NSMCE1: variants seen among roughly 807,000 people sequenced by gnomAD.
The protein encoded by NSMCE1 is NSE1 component of SMC5/6 complex.
A neutral mutation model predicts 29.6 loss-of-function variants in NSMCE1; 18 were observed. The observed-to-expected ratio is 0.61, with a 90% CI of 0.42 to 0.90. The LOEUF is 0.90. Among genes scored for constraint, NSMCE1 ranks in the 40% least tolerant of loss-of-function variants. The pLI is 0.00. For synonymous variants in NSMCE1, 124 were observed against 133.4 expected (o/e 0.93, Z 0.49); for missense variants, 314 against 343.6 (o/e 0.91, Z 0.68).
At chr16:27,239,125 C>T (rs1055045095) in intron 2 of NSMCE1, among the ~76,000 whole-genome samples, 1 of 152,184 alleles carries the variant, frequency 6.6e-6, no homozygotes, top group African/African-American at 2.4e-5. Flanking sequence ...GCCCACCTGT[C>T]TCCCCAAGTT....
intron 2 of NSMCE1, among the ~76,000 whole-genome samples, chr16:27,248,814 G>A (rs1475528278): frequency 2.0e-5 from 3 of 151,992 alleles, no homozygotes; most frequent in African/African-American, 7.3e-5. Context: ...TTCTTACTGG[G>A]TTGTATGTTT....
chr16:27,257,951 C>G (rs568040593), intron 1 of NSMCE1: 1 of 159,866 alleles, frequency 6.3e-6, no homozygotes, highest in Non-Finnish European at 1.4e-5. Context: ...ATGTAATAGC[C>G]TGGTAACACA....
chr16:27,228,400 G>T (rs1170220494), intron 5 of NSMCE1, among the ~76,000 whole-genome samples: 1 of 151,998 alleles, frequency 6.6e-6, no homozygotes, highest in Non-Finnish European at 1.5e-5. Flanking sequence ...CAGCCCCCAG[G>T]CTGTCCTCGG....
chr16:27,229,632 A>G (rs1251249627), intron 5 of NSMCE1, among the ~76,000 whole-genome samples: 2 of 152,184 alleles, frequency 1.3e-5, no homozygotes, highest in Non-Finnish European at 2.9e-5. Flanking sequence ...TAGATCATGC[A>G]ATGGCACGAT....
At position 27,257,479 on chromosome 16, in the gene NSMCE1, C is replaced by A; in HGVS notation, c.92G>T (p.Trp31Leu). The A allele has an allele frequency of 6.2e-7, 1 of 1,614,048 alleles. No individual in the cohort carries two copies. The highest frequency in any genetic ancestry group is 2.2e-5 in the East Asian group (1 of 44,872). ...GTGCGTCTGCAAGCGCTTCACGTCC[C>A]ATTCCTCTAGCACGCCATGGGTCAT... ...LLMTHGVLEE[W>L]DVKRLQTHCY... The change falls in exon 2 of 8, where the codon TGG (tryptophan) becomes TTG (leucine). Residue 31 changes from tryptophan to leucine, a missense_variant. Physicochemically the swap from Trp to Leu is moderately conservative, Grantham distance 61. Transcript: ENST00000361439.
In NSMCE1 at chr16:27,234,249, GTTGTAGCAAGATTCACC is replaced by G. The variant is rs778172233; in HGVS notation, c.259-1_274del. On this transcript the variant is annotated splice_acceptor_variant and coding_sequence_variant, in exon 4 of 8. Coordinates refer to ENST00000361439, the MANE Select transcript of NSMCE1 (RefSeq NM_145080.4). LOFTEE classifies it high-confidence loss of function. ...ATCCGTAGCCATTTTGGAAATTGAA[GTTGTAGCAAGATTCACC>G]TAAGAAATAAGTCAGCACGACAGTC... The G allele has an allele frequency of 4.3e-6, 7 of 1,612,550 alleles. No homozygotes were observed. The highest frequency in any genetic ancestry group is 5.9e-6 in the Non-Finnish European group (7 of 1,178,630).
At chr16:27,234,688 G>A (rs2140991200) in intron 3 of NSMCE1, among the ~76,000 whole-genome samples, 1 of 152,344 alleles carries the variant, frequency 6.6e-6, no homozygotes, top group South Asian at 2.1e-4. Context: ...CTGGACTAGA[G>A]TGCCCCTTTC....
intron 2 of NSMCE1, among the ~76,000 whole-genome samples, chr16:27,236,292 C>CTTTTTTT (rs35108912): frequency 1.1e-5 from 1 of 92,154 alleles, no homozygotes; most frequent in Non-Finnish European, 2.0e-5. Context: ...TGCTGTGAAA[C>CTTTTTTT]TTTTTTTTTT....
intron 1 of NSMCE1, chr16:27,266,516 C>T (rs1448573066): frequency 6.6e-6 from 1 of 152,028 alleles, no homozygotes; most frequent in African/African-American, 2.4e-5. Flanking sequence ...ACTCAGAAGG[C>T]TAAGGCAGGA....
chr16:27,250,844 T>G lies in NSMCE1; in HGVS notation c.136+6591A>C, dbSNP rs1375775941. 1.4e-4 allele frequency among the ~76,000 whole-genome samples: 6 copies of G among 43,402 alleles called. No individual in the cohort carries two copies. In the East Asian group the frequency reaches 1.9e-3, roughly 14 times the overall value. The allele number at this position is 43,402 out of a possible 152,430, so 28.5% of individuals were successfully genotyped here. On this transcript the variant is annotated intron_variant, in intron 2 of 7. Transcript: ENST00000361439. ...AATGAAATTTATTTAATTTTAACTGTTTTTTTTTTTTTTTTGAGATGGAGT... is the reference window on the plus strand; with the variant it reads ...AATGAAATTTATTTAATTTTAACTGGTTTTTTTTTTTTTTTGAGATGGAGT...
Position 27,233,003 on chromosome 16 carries a change from C to A in NSMCE1, c.481G>T (p.Glu161Ter). 6.2e-7 allele frequency: 1 copy of A among 1,613,652 alleles called. No homozygotes were observed. The highest frequency in any genetic ancestry group is 8.5e-7 in the Non-Finnish European group (1 of 1,179,864). The part of the protein sequence containing the change: ...QKFVQNKWLI[E>*]KEGEFTLHGR... ...CTGGAAAAACCATGAGACAGTACCTCAATCAGCCACTTGTTTTGAACAAAC... is the reference window on the plus strand; with the variant it reads ...CTGGAAAAACCATGAGACAGTACCTAAATCAGCCACTTGTTTTGAACAAAC... The change falls in exon 5 of 8, where the codon GAG becomes TAG. Residue 161 changes from glutamate to a stop codon, truncating the protein, a stop_gained and splice_region_variant. Transcript: ENST00000361439. LOFTEE classifies it high-confidence loss of function.
intron 2 of NSMCE1, 139 bp downstream of exon 2, chr16:27,257,296 G>T: frequency 1.7e-6 from 1 of 592,934 alleles, no homozygotes; most frequent in Non-Finnish European, 2.7e-6. Context: ...AGAAAGATGG[G>T]CCCGTGTAAG....
At chr16:27,237,243 C>T (rs1405287170) in intron 2 of NSMCE1, among the ~76,000 whole-genome samples, 2 of 152,238 alleles carry the variant, frequency 1.3e-5, no homozygotes, top group Non-Finnish European at 2.9e-5. Flanking sequence ...CATCTGGCCT[C>T]GGCGGCTGGA....
Position 27,268,710 on chromosome 16 carries a change from G to C in NSMCE1, c.-16C>G, listed in dbSNP as rs757387800. ...CTAGCTCCCCACGTTACCCACCAGG[G>C]AGCCCAAGCGCATCCCAGGCCGCGC... On this transcript the variant is annotated 5_prime_UTR_variant, in exon 1 of 8. Transcript: ENST00000361439. 2.0e-5 allele frequency: 3 copies of C among 152,760 alleles called. No individual in the cohort carries two copies. The highest frequency in any genetic ancestry group is 6.5e-5 in the Admixed American group (1 of 15,290). 9.5% of individuals were successfully genotyped at this position (152,760 alleles called of 1,614,324 possible).
chr16:27,251,190 A>ATATATATATATATATAT (rs1491248903), intron 2 of NSMCE1, among the ~76,000 whole-genome samples: 2 of 42,650 alleles, frequency 4.7e-5, no homozygotes, highest in Admixed American at 2.2e-4. Context: ...ATATATATAT[A>ATATATATATATATATAT]AATATATATA....
At chr16:27,255,986 C>G (rs1441130511) in intron 2 of NSMCE1, among the ~76,000 whole-genome samples, 1 of 152,180 alleles carries the variant, frequency 6.6e-6, no homozygotes, top group Non-Finnish European at 1.5e-5. Context: ...AGGAGGGACA[C>G]CCTTTCTGGT....
chr16:27,246,257 C>A (rs187462922), intron 2 of NSMCE1, among the ~76,000 whole-genome samples: 251 of 152,292 alleles, frequency 1.6e-3, no homozygotes, highest in Non-Finnish European at 2.5e-3. Context: ...TGAAGTATTT[C>A]TAAACCTAAA....
intron 2 of NSMCE1, among the ~76,000 whole-genome samples, chr16:27,237,331 C>A (rs2083836969): frequency 6.6e-6 from 1 of 152,166 alleles, no homozygotes; most frequent in African/African-American, 2.4e-5. Context: ...TTTCTGAAAA[C>A]TCCTCTCCCT....
At chr16:27,239,202 G>A (rs996421789) in intron 2 of NSMCE1, among the ~76,000 whole-genome samples, 1 of 152,126 alleles carries the variant, frequency 6.6e-6, no homozygotes, top group African/African-American at 2.4e-5. Flanking sequence ...GACCAGAACT[G>A]GGGTCTCTTG....
Sources: allele counts gnomAD v4.1 joint callset (sites outside exome capture counted in the v4.1 genomes callset), GRCh38; gene constraint gnomAD v4.1.1; transcripts MANE v1.5; gene names NCBI Gene and HGNC (gene_info 2026-07-23, HGNC 2026-07-21).